LRCH1: variants seen among roughly 807,000 people sequenced by gnomAD.
The protein encoded by LRCH1 is leucine-rich repeat and calponin homology domain-containing protein 1.
A neutral mutation model predicts 94.9 loss-of-function variants in LRCH1; 23 were observed. The observed-to-expected ratio is 0.24, with a 90% CI of 0.17 to 0.34. LRCH1 has a LOEUF of 0.34. LRCH1 is among the 10% of genes least tolerant of loss of function. LRCH1 has a pLI of 1.00. For synonymous variants in LRCH1, 364 were observed against 354.9 expected (o/e 1.03, Z -0.29); for missense variants, 790 against 945.9 (o/e 0.84, Z 2.16).
chr13:46,614,036 A>G (rs2050776995), intron 1 of LRCH1, among the ~76,000 whole-genome samples: 1 of 151,646 alleles, frequency 6.6e-6, no homozygotes, highest in African/African-American at 2.4e-5. Flanking sequence ...ACAACATGAT[A>G]TTTGATATAC....
chr13:46,610,602 C>T (rs2050737793), intron 1 of LRCH1, among the ~76,000 whole-genome samples: 2 of 151,660 alleles, frequency 1.3e-5, no homozygotes, highest in South Asian at 4.2e-4. Flanking sequence ...AGTTACTTCA[C>T]TTAGAACAAT....
chr13:46,700,326 G>A (rs1871397876), intron 10 of LRCH1, among the ~76,000 whole-genome samples: 1 of 152,268 alleles, frequency 6.6e-6, no homozygotes, highest in South Asian at 2.1e-4. Context: ...ATGGTGGGAA[G>A]GGCTTGCTGT....
downstream of LRCH1, among the ~76,000 whole-genome samples, chr13:46,747,479 G>A (rs1220279377): frequency 2.6e-5 from 4 of 152,210 alleles, no homozygotes; most frequent in East Asian, 7.7e-4. Flanking sequence ...TCAGGACACA[G>A]GATAGGACAC....
chr13:46,656,090 C>T (rs902784473), intron 2 of LRCH1, among the ~76,000 whole-genome samples: 1 of 152,234 alleles, frequency 6.6e-6, no homozygotes, highest in African/African-American at 2.4e-5. Context: ...AAAGAGCCAG[C>T]TTCCTGATGG....
intron 3 of LRCH1, among the ~76,000 whole-genome samples, chr13:46,679,340 A>C (rs1450876443): frequency 6.6e-6 from 1 of 152,230 alleles, no homozygotes; most frequent in Non-Finnish European, 1.5e-5. Flanking sequence ...TAGTTAAGGC[A>C]AAGAAAGCTT....
chr13:46,559,788 C>G (rs1396047657), intron 1 of LRCH1, among the ~76,000 whole-genome samples: 1 of 152,196 alleles, frequency 6.6e-6, no homozygotes, highest in Admixed American at 6.5e-5. Flanking sequence ...ACTGCAACAT[C>G]TGATTTGATT....
Position 46,573,866 on chromosome 13 carries a change from A to ATATATATATATATATTTT in LRCH1, c.307+20164_307+20165insATATATATATATATTTTT. 2.9e-3 allele frequency among the ~76,000 whole-genome samples: 181 copies of ATATATATATATATATTTT among 63,332 alleles called. 2 individuals carry two copies. Among genetic ancestry groups the ATATATATATATATATTTT allele is most frequent in the Middle Eastern group, 9.6e-3 (1 of 104 alleles). 41.5% of individuals were successfully genotyped at this position (63,332 alleles called of 152,430 possible). On this transcript the variant is annotated intron_variant, in intron 1 of 19. Transcript: ENST00000389797. ...GTCAAATATATATATATATATATAT[A>ATATATATATATATATTTT]TTTTTTTTTTTTTTGAGATGGAGTC...
chr13:46,602,442 C>G (rs1181439796), intron 1 of LRCH1, among the ~76,000 whole-genome samples: 5 of 151,844 alleles, frequency 3.3e-5, no homozygotes, highest in Admixed American at 3.3e-4. Flanking sequence ...TCTAAATCAG[C>G]CCCCTGCTGT....
intron 13 of LRCH1, among the ~76,000 whole-genome samples, chr13:46,709,720 A>AT (rs1234421085): frequency 2.8e-4 from 43 of 151,258 alleles, no homozygotes; most frequent in Admixed American, 1.6e-3. Flanking sequence ...CATAAGGTTG[A>AT]TTTTTTTTTC....
intron 2 of LRCH1, among the ~76,000 whole-genome samples, chr13:46,668,808 C>CTTATTTT (rs1255737455): frequency 8.5e-5 from 12 of 141,774 alleles, no homozygotes; most frequent in Non-Finnish European, 1.7e-4. Context: ...TGCCCATACC[C>CTTATTTT]TTATTTTTTA....
intron 13 of LRCH1, among the ~76,000 whole-genome samples, chr13:46,707,065 C>T (rs1452677645): frequency 6.6e-6 from 1 of 152,196 alleles, no homozygotes; most frequent in African/African-American, 2.4e-5. Flanking sequence ...TCTAATCTAT[C>T]ACCCATCCTC....
At chr13:46,629,350 T>G (rs1486590731) in intron 1 of LRCH1, among the ~76,000 whole-genome samples, 5 of 152,268 alleles carry the variant, frequency 3.3e-5, no homozygotes, top group Non-Finnish European at 5.9e-5. Context: ...TTTTTAGCTG[T>G]TCCATAGTAG....
chr13:46,632,214 C>A (rs959760447), intron 1 of LRCH1, among the ~76,000 whole-genome samples: 10 of 149,124 alleles, frequency 6.7e-5, no homozygotes, highest in Admixed American at 1.3e-4. Context: ...AAAAAAAAAA[C>A]AAACCTAAAT....
chr13:46,733,498 C>T (rs1267700672), intron 18 of LRCH1, among the ~76,000 whole-genome samples: 3 of 152,094 alleles, frequency 2.0e-5, no homozygotes, highest in Non-Finnish European at 4.4e-5. Context: ...AAACAGGTTA[C>T]ACAACAGTAT....
intron 1 of LRCH1, among the ~76,000 whole-genome samples, chr13:46,622,315 A>G (rs965038413): frequency 5.3e-5 from 8 of 152,138 alleles, no homozygotes; most frequent in African/African-American, 1.9e-4. Context: ...AACCCTGCAA[A>G]GGAAATAAGA....
intron 10 of LRCH1, among the ~76,000 whole-genome samples, chr13:46,700,665 A>G (rs1871415807): frequency 6.6e-6 from 1 of 152,164 alleles, no homozygotes; most frequent in South Asian, 2.1e-4. Context: ...TGCTGCATCT[A>G]GAGTTTGGAC....
chr13:46,561,735 T>G (rs924536865), intron 1 of LRCH1, among the ~76,000 whole-genome samples: 2 of 152,156 alleles, frequency 1.3e-5, no homozygotes, highest in Admixed American at 6.5e-5. Flanking sequence ...ATTGCCTTCA[T>G]TTTGCTTTTC....
At chr13:46,751,870 A>G (rs1283511208) in exon 19 of LRCH1, 1 of 152,252 alleles carries the variant, frequency 6.6e-6, no homozygotes, top group African/African-American at 2.4e-5. Context: ...TGCCAGTTTT[A>G]AAAGAGGAAA....
chr13:46,601,254 T>C (rs2050625240), intron 1 of LRCH1, among the ~76,000 whole-genome samples: 2 of 152,190 alleles, frequency 1.3e-5, no homozygotes, highest in Admixed American at 1.3e-4. Flanking sequence ...TGGTCCTCTC[T>C]TCACTGTCCC....
Sources: gnomAD v4.1 joint callset for allele counts (sites outside exome capture counted in the v4.1 genomes callset) on GRCh38, gnomAD v4.1.1 for gene constraint, MANE v1.5 for transcripts, NCBI Gene and HGNC (gene_info 2026-07-23, HGNC 2026-07-21) for gene names.